GPANK1: variants seen among roughly 807,000 people sequenced by gnomAD.
GPANK1 encodes G-patch domain and ankyrin repeats 1, also known as G patch domain and ankyrin repeat-containing protein 1.
GPANK1 carries 22 observed loss-of-function variants against 24.0 expected under a neutral mutation model. That is an observed-to-expected ratio of 0.92 (90% CI 0.66 to 1.31). The LOEUF (loss-of-function observed/expected upper bound fraction) is 1.31. Among genes scored for constraint, GPANK1 ranks in the 50% most tolerant of loss-of-function variants. The probability of loss-of-function intolerance (pLI) is 0.00; values close to 1 mark genes in which losing one functional copy is unlikely to be tolerated. For synonymous variants in GPANK1, 174 were observed against 177.4 expected (o/e 0.98, Z 0.15); for missense variants, 469 against 453.5 (o/e 1.03, Z -0.31).
Position 31,662,174 on chromosome 6 carries a change from T to C in GPANK1, c.*92A>G. 3.8e-6 allele frequency: 3 copies of C among 782,198 alleles called. No homozygotes were observed. Among genetic ancestry groups the C allele is most frequent in the Non-Finnish European group, 6.1e-6 (3 of 487,988 alleles). The allele number at this position is 782,198 out of a possible 1,614,324, so 48.5% of individuals were successfully genotyped here. On this transcript the variant is annotated 3_prime_UTR_variant, in exon 3 of 3. Transcript: ENST00000375896. This position sits in a 1 kb window ranked among gnomAD's most constrained non-coding sequence, Gnocchi z 5.5. ...GACCAAAAACTTCAGGATCTGCATC[T>C]GAGCAGATCCCAGGAAGGGGAAGTC...
At chr6:31,665,887 G>C (rs1401224880), upstream of GPANK1, 2 of 1,096,584 alleles carry the variant, frequency 1.8e-6, no homozygotes, top group African/African-American at 3.2e-5. Context: ...GTGGCTTCTC[G>C]TTGTGCCCCG....
At chr6:31,665,584 A>C, upstream of GPANK1, 6 of 1,156,428 alleles carry the variant, frequency 5.2e-6, no homozygotes, top group Non-Finnish European at 7.3e-6. Flanking sequence ...CTCTCCCCTC[A>C]TGAGGCAGGA....
In GPANK1 at chr6:31,664,004, C is replaced by A; in HGVS notation, c.475G>T (p.Val159Leu). ...CAARAGQGAA[V>L]SYLLGRGAAW... ...GCCCCACGGCCCAGGAGATAGCTCA[C>A]AGCTGCCCCCTGGCCCGCTCGAGCA... The change falls in exon 2 of 3, where the codon GTG (valine) becomes TTG (leucine). Residue 159 changes from valine (V) to leucine (L), a missense_variant. Transcript: ENST00000375896. 1 of 1,614,222 alleles carries A rather than the reference C, an allele frequency of 6.2e-7. No homozygotes were observed. Among genetic ancestry groups the A allele is most frequent in the Non-Finnish European group, 8.5e-7 (1 of 1,180,036 alleles).
rs544047169 is a variant in GPANK1 at position 31,662,071 on chromosome 6, TC to T, written c.*194del. The T allele has an allele frequency of 9.3e-4, 396 of 426,058 alleles. 1 individual carries two copies. The highest frequency in any genetic ancestry group is 6.7e-3 in the East Asian group (189 of 28,312). 26.4% of individuals were successfully genotyped at this position (426,058 alleles called of 1,614,324 possible). On this transcript the variant is annotated 3_prime_UTR_variant, in exon 3 of 3. Transcript: ENST00000375896. The surrounding 1 kb of genome is among the most constrained non-coding windows in gnomAD (Gnocchi z 5.5). ...TCTGTTTGGCTTCCTCAAAATAGCT[TC>T]CAGAAAAGTGAATAAACCACAAATG...
rs771573236 is a variant in GPANK1 at position 31,662,284 on chromosome 6, G to GT, written c.1052dup (p.Tyr351Ter). The change falls in exon 3 of 3, where the codon TAC becomes TAAC. Residue 351 changes from tyrosine (Y) to a stop codon, truncating the protein, a stop_gained and frameshift_variant. Transcript: ENST00000375896. LOFTEE classifies it high-confidence loss of function. The surrounding 1 kb of genome is among the most constrained non-coding windows in gnomAD (Gnocchi z 5.5). ...DRAWERDLRT[Y>*]MNLEF The stretch of plus-strand genomic sequence containing the variant: ...ACCAAAGTCAGAACTCGAGGTTCAT[G>GT]TAAGTCCTTAGATCCCGCTCCCAAG... The GT allele has an allele frequency of 1.5e-5, 24 of 1,551,270 alleles. No homozygotes were observed. Among genetic ancestry groups the GT allele is most frequent in the Non-Finnish European group, 1.9e-5 (22 of 1,145,186 alleles).
chr6:31,665,704 C>T, upstream of GPANK1: 1 of 813,532 alleles, frequency 1.2e-6, no homozygotes, highest in Non-Finnish European at 1.9e-6. Context: ...GGCCAGTCCC[C>T]TGGGCAGCAG....
chr6:31,664,723 T>G (rs1418265763), intron 1 of GPANK1, 118 bp downstream of exon 1: 4 of 532,918 alleles, frequency 7.5e-6, no homozygotes, highest in Non-Finnish European at 1.3e-5. Context: ...TAGTAAAGAT[T>G]AATAAAACTC....
chr6:31,664,160 G>A lies in GPANK1; in HGVS notation c.319C>T (p.Arg107Trp). 6.2e-7 allele frequency: 1 copy of A among 1,614,202 alleles called. No individual in the cohort carries two copies. The highest frequency in any genetic ancestry group is 8.5e-7 in the Non-Finnish European group (1 of 1,180,024). The change falls in exon 2 of 3, where the codon CGG (arginine) becomes TGG (tryptophan). Residue 107 changes from arginine to tryptophan, a missense_variant. Arg to Trp is a moderately radical substitution (Grantham distance 101). Transcript: ENST00000375896. ...SLEAEDKMTH[R>W]ILRAAQEGDL... ...CCCTCCTGGGCTGCCCTCAGTATCC[G>A]GTGAGTCATCTTATCCTCAGCCTCA...
In GPANK1 at chr6:31,663,992, G is replaced by C. The variant is rs1381416523; in HGVS notation, c.487C>G (p.Leu163Val). 1 of 1,614,172 alleles carries C rather than the reference G, an allele frequency of 6.2e-7. No individual in the cohort carries two copies. The highest frequency in any genetic ancestry group is 2.2e-5 in the East Asian group (1 of 44,878). ...CCCACCCAGGCAGCCCCACGGCCCA[G>C]GAGATAGCTCACAGCTGCCCCCTGG... The part of the protein sequence containing the change: ...AGQGAAVSYL[L>V]GRGAAWVGVC... Residue 163 changes from leucine to valine, a missense_variant, in exon 2 of 3, where the codon CTG becomes GTG. By Grantham distance (32) the Leu-to-Val change is conservative. Coordinates refer to ENST00000375896, the MANE Select transcript of GPANK1 (RefSeq NM_033177.4).
rs757270580 is a variant in GPANK1, at chr6:31,662,510, G to C, written c.827C>G (p.Pro276Arg). Residue 276 changes from proline to arginine, a missense_variant, in exon 3 of 3, where the codon CCC (proline) becomes CGC (arginine). Physicochemically the swap from Pro to Arg is moderately radical, Grantham distance 103. Transcript: ENST00000375896. The surrounding 1 kb of genome is among the most constrained non-coding windows in gnomAD (Gnocchi z 5.5). ...GGGATTGGCACGGCCCTCACCCCGG[G>C]GTCCCAGCCCCATTCCTGGCTCCCA... ...GGWEPGMGLG[P>R]RGEGRANPIP... The C allele has an allele frequency of 1.9e-6, 3 of 1,612,576 alleles. No individual in the cohort carries two copies. In the East Asian group the frequency reaches 6.7e-5, roughly 36 times the overall value.
chr6:31,662,191 G>T lies in GPANK1; in HGVS notation c.*75C>A. ...TCTGCATCTGAGCAGATCCCAGGAAGGGGAAGTCAAAGGGCCCAGGTCAGA... is the reference window on the plus strand; with the variant it reads ...TCTGCATCTGAGCAGATCCCAGGAATGGGAAGTCAAAGGGCCCAGGTCAGA... On this transcript the variant is annotated 3_prime_UTR_variant, in exon 3 of 3. Coordinates refer to ENST00000375896, the MANE Select transcript of GPANK1 (RefSeq NM_033177.4). The surrounding 1 kb of genome is among the most constrained non-coding windows in gnomAD (Gnocchi z 5.5). 1 of 953,662 alleles carries T rather than the reference G, an allele frequency of 1.0e-6. No individual in the cohort carries two copies. Among genetic ancestry groups the T allele is most frequent in the Non-Finnish European group, 1.6e-6 (1 of 636,452 alleles). The allele number at this position is 953,662 out of a possible 1,614,324, so 59.1% of individuals were successfully genotyped here. A position where few individuals can be genotyped will look rare whatever the true frequency, so the allele number is the denominator to read the frequency against.
upstream of GPANK1, chr6:31,665,256 T>A (rs1429328137): frequency 3.2e-6 from 2 of 616,252 alleles, no homozygotes; most frequent in Admixed American, 5.1e-5. Context: ...CCCTTCGCCT[T>A]CCTCAACGTG....
upstream of GPANK1, chr6:31,665,812 G>A: frequency 1.6e-6 from 2 of 1,241,592 alleles, no homozygotes; most frequent in South Asian, 1.7e-5. Flanking sequence ...TCTTCACCCA[G>A]TGAGCACAAA....
At chr6:31,665,960 T>C, upstream of GPANK1, 2 of 1,031,608 alleles carry the variant, frequency 1.9e-6, no homozygotes, top group Non-Finnish European at 2.3e-6. Context: ...ATCCTGGGAT[T>C]GGTAGTTCGC....
rs774193370 is a variant in GPANK1, at chr6:31,664,398, C to A, written c.81G>T (p.Gln27His). ...CCAGGGTGGACTCTGGCTTCTCGGG[C>A]TGTGGCTGCTGCTGCCCATCCTTCC... ...DLWKDGQQQP[Q>H]PEKPESTLDG... is the part of the protein sequence containing the mutation. The change falls in exon 2 of 3, where the codon CAG (glutamine) becomes CAT (histidine). Residue 27 changes from glutamine (Q) to histidine (H), a missense_variant. By Grantham distance (24) the Gln-to-His change is conservative. Coordinates refer to ENST00000375896, the MANE Select transcript of GPANK1 (RefSeq NM_033177.4). The A allele has an allele frequency of 6.2e-7, 1 of 1,614,206 alleles. No individual in the cohort carries two copies. Among genetic ancestry groups the A allele is most frequent in the Non-Finnish European group, 8.5e-7 (1 of 1,180,030 alleles).
At position 31,662,360 on chromosome 6, in the gene GPANK1, A is replaced by G. The variant is rs1377137300; in HGVS notation, c.977T>C (p.Val326Ala). ...CTCCTCCCTCCAGCTCAGTGTGGCC[A>G]CCCGAGGGGGTCTCTCCCTCCCAGC... is the stretch of plus-strand genomic sequence containing the variant. ...AVAGRERPPR[V>A]ATLSWREERR... The change falls in exon 3 of 3, where the codon GTG (valine) becomes GCG (alanine). Residue 326 changes from valine (V) to alanine (A), a missense_variant. Transcript: ENST00000375896. This position sits in a 1 kb window ranked among gnomAD's most constrained non-coding sequence, Gnocchi z 5.5. 6.2e-7 allele frequency: 1 copy of G among 1,611,670 alleles called. No individual in the cohort carries two copies. Among genetic ancestry groups the G allele is most frequent in the East Asian group, 2.2e-5 (1 of 44,886 alleles).
At position 31,664,176 on chromosome 6, in the gene GPANK1, C is replaced by T. The variant is rs1382065390; in HGVS notation, c.303G>A (p.Glu101=). The change falls in exon 2 of 3, where the codon GAG becomes GAA. Residue 101 remains glutamate (E), a synonymous_variant. Coordinates refer to ENST00000375896, the MANE Select transcript of GPANK1 (RefSeq NM_033177.4). ...RHGQGRSLEA[E]DKMTHRILRA... is the part of the protein sequence containing the mutation. ...TCAGTATCCGGTGAGTCATCTTATC[C>T]TCAGCCTCAAGGGATCTCCCTTGTC... The T allele has an allele frequency of 1.9e-6, 3 of 1,614,248 alleles. No homozygotes were observed. The highest frequency in any genetic ancestry group is 2.5e-6 in the Non-Finnish European group (3 of 1,180,032).
In GPANK1 at chr6:31,664,419, C is replaced by T. The variant is rs1195645899; in HGVS notation, c.60G>A (p.Lys20=). The change falls in exon 2 of 3, where the codon AAG becomes AAA. Residue 20 remains lysine (K), a synonymous_variant. Transcript: ENST00000375896. ...CGGGCTGTGGCTGCTGCTGCCCATC[C>T]TTCCAGAGGTCGCTGGGGTCAGTGG... ...TPATDPSDLW[K]DGQQQPQPEK... is the part of the protein sequence containing the mutation. 6.2e-7 allele frequency: 1 copy of T among 1,614,174 alleles called. No individual in the cohort carries two copies. Among genetic ancestry groups the T allele is most frequent in the Non-Finnish European group, 8.5e-7 (1 of 1,180,030 alleles).
chr6:31,663,585 T>C (rs1451930683), intron 2 of GPANK1, among the ~76,000 whole-genome samples: 1 of 152,176 alleles, frequency 6.6e-6, no homozygotes, highest in Non-Finnish European at 1.5e-5. Flanking sequence ...TATTAACCCA[T>C]TGAATCCTAA....
Sources: allele counts gnomAD v4.1 joint callset (sites outside exome capture counted in the v4.1 genomes callset), GRCh38; gene constraint gnomAD v4.1.1; non-coding constraint Gnocchi (gnomAD v3.1); transcripts MANE v1.5; gene names NCBI Gene and HGNC (gene_info 2026-07-23, HGNC 2026-07-21).